ERICH6B: variants seen among roughly 807,000 people sequenced by gnomAD.
ERICH6B encodes the protein glutamate rich 6B.
A neutral mutation model predicts 80.0 loss-of-function variants in ERICH6B; 69 were observed. The observed-to-expected ratio is 0.86, with a 90% CI of 0.71 to 1.05. The LOEUF (loss-of-function observed/expected upper bound fraction) is 1.05. ERICH6B is among the 50% of genes least tolerant of loss of function. The pLI, the probability that ERICH6B is intolerant of heterozygous loss-of-function variation, is 0.00. For synonymous variants in ERICH6B, 283 were observed against 291.9 expected (o/e 0.97, Z 0.31); for missense variants, 754 against 796.1 (o/e 0.95, Z 0.64).
At chr13:45,554,222 A>T (rs567644612) in intron 11 of ERICH6B, among the ~76,000 whole-genome samples, 1 of 152,262 alleles carries the variant, frequency 6.6e-6, no homozygotes, top group African/African-American at 2.4e-5. Context: ...AAAGTATTTG[A>T]CTTTCTGTGC....
intron 11 of ERICH6B, among the ~76,000 whole-genome samples, chr13:45,559,691 A>G (rs1296829079): frequency 6.6e-6 from 1 of 151,942 alleles, no homozygotes; most frequent in Non-Finnish European, 1.5e-5. Flanking sequence ...ATTTCCATAT[A>G]TTTGCATGGT....
At chr13:45,544,481 C>T (rs1051865357) in intron 14 of ERICH6B, among the ~76,000 whole-genome samples, 1 of 152,208 alleles carries the variant, frequency 6.6e-6, no homozygotes, top group African/African-American at 2.4e-5. Flanking sequence ...CTTGGCCTCC[C>T]AAAGCCCTGG....
chr13:45,549,725 C>T (rs1266521158), intron 13 of ERICH6B, among the ~76,000 whole-genome samples, 168 bp downstream of exon 13: 2 of 152,194 alleles, frequency 1.3e-5, no homozygotes, highest in Admixed American at 6.5e-5. Context: ...CATCGTGCCT[C>T]CTCTGTGGTC....
intron 5 of ERICH6B, 96 bp downstream of exon 5, chr13:45,586,967 A>C: frequency 7.7e-7 from 1 of 1,292,694 alleles, no homozygotes; most frequent in Non-Finnish European, 1.1e-6. Flanking sequence ...ATGAAAGGCA[A>C]TACTCGAGCC....
intron 6 of ERICH6B, 77 bp from the exon 7 acceptor site, chr13:45,580,051 T>G: frequency 1.6e-6 from 2 of 1,216,246 alleles, no homozygotes; most frequent in Non-Finnish European, 2.4e-6. Context: ...CCTTATGGAA[T>G]CAATTTAAAA....
intron 4 of ERICH6B, among the ~76,000 whole-genome samples, chr13:45,589,667 C>T (rs1164350142): frequency 6.6e-6 from 1 of 152,238 alleles, no homozygotes; most frequent in Non-Finnish European, 1.5e-5. Flanking sequence ...GGCAGTCTGG[C>T]TCCAAAGCCC....
chr13:45,586,304 A>G (rs2985950), intron 5 of ERICH6B, among the ~76,000 whole-genome samples: 148,933 of 152,268 alleles, frequency 0.98, 72,838 homozygotes, highest in East Asian at 0.99. Context: ...GGGGCAGGGA[A>G]GGGAGGTGAC....
intron 2 of ERICH6B, among the ~76,000 whole-genome samples, chr13:45,599,463 T>C (rs778969521): frequency 6.6e-6 from 1 of 152,064 alleles, no homozygotes; most frequent in Non-Finnish European, 1.5e-5. Context: ...ACAAACAGAA[T>C]GAGAGCTCCC....
intron 1 of ERICH6B, among the ~76,000 whole-genome samples, chr13:45,609,380 C>T (rs1487918109): frequency 2.0e-5 from 3 of 152,188 alleles, no homozygotes; most frequent in Non-Finnish European, 4.4e-5. Flanking sequence ...CAACACCTGG[C>T]TCATTCTCAA....
chr13:45,572,927 G>C (rs1875235133), intron 8 of ERICH6B, among the ~76,000 whole-genome samples: 1 of 151,222 alleles, frequency 6.6e-6, no homozygotes, highest in Non-Finnish European at 1.5e-5. Context: ...CTATCAGATG[G>C]GCCAGAATTA....
At chr13:45,601,048 A>G (rs1949824016) in intron 2 of ERICH6B, among the ~76,000 whole-genome samples, 1 of 152,132 alleles carries the variant, frequency 6.6e-6, no homozygotes, top group Non-Finnish European at 1.5e-5. Context: ...AGGCTGGTTT[A>G]GCCTGAATCT....
chr13:45,562,451 G>A (rs1874724113), intron 10 of ERICH6B, among the ~76,000 whole-genome samples: 2 of 152,198 alleles, frequency 1.3e-5, no homozygotes, highest in South Asian at 4.1e-4. Context: ...AAACTGGTAA[G>A]GACAACTGAA....
At chr13:45,546,893 TC>T (rs1874014986) in intron 13 of ERICH6B, among the ~76,000 whole-genome samples, 1 of 152,186 alleles carries the variant, frequency 6.6e-6, no homozygotes, top group African/African-American at 2.4e-5. Context: ...TCCTCTTGCT[TC>T]CCACTTTCCA....
At chr13:45,587,810 C>T (rs528268734) in intron 4 of ERICH6B, among the ~76,000 whole-genome samples, 1 of 152,310 alleles carries the variant, frequency 6.6e-6, no homozygotes, top group East Asian at 1.9e-4. Flanking sequence ...TGTTCTTTCT[C>T]AGGAGTCTCT....
At chr13:45,554,380 G>C (rs1242011167) in intron 11 of ERICH6B, among the ~76,000 whole-genome samples, 3 of 152,074 alleles carry the variant, frequency 2.0e-5, no homozygotes, top group East Asian at 3.8e-4. Context: ...ATAGAGACTT[G>C]GTTTAAAAAG....
rs1949924284 is a variant in ERICH6B at position 45,615,689 on chromosome 13, GC to G, written c.-116del. 1 of 152,486 alleles carries G rather than the reference GC, an allele frequency of 6.6e-6. No individual in the cohort carries two copies. The highest frequency in any genetic ancestry group is 2.1e-4 in the South Asian group (1 of 4,826). The allele number at this position is 152,486 out of a possible 1,614,324, so 9.4% of individuals were successfully genotyped here. A position where few individuals can be genotyped will look rare whatever the true frequency, so the allele number is the denominator to read the frequency against. ...GCTAACGTGCGCAGCCCTTACCCAA[GC>G]CAGGCTCCCGCGCGTGCATCCACCG... On this transcript the variant is annotated 5_prime_UTR_variant, in exon 1 of 15. The change creates a premature stop within an existing upstream ORF in the 5' untranslated region. Transcript: ENST00000298738.
chr13:45,581,665 C>G (rs1875676147), intron 5 of ERICH6B, among the ~76,000 whole-genome samples: 1 of 152,222 alleles, frequency 6.6e-6, no homozygotes, highest in Non-Finnish European at 1.5e-5. Flanking sequence ...GCATGAGCCA[C>G]TGCGCCTGGC....
intron 13 of ERICH6B, among the ~76,000 whole-genome samples, chr13:45,549,043 G>A (rs1017021007): frequency 6.6e-6 from 1 of 152,114 alleles, no homozygotes; most frequent in Non-Finnish European, 1.5e-5. Context: ...CAGCACTTTG[G>A]GTGGCTGAGG....
At chr13:45,558,015 G>C (rs1300276434) in intron 11 of ERICH6B, among the ~76,000 whole-genome samples, 1 of 151,486 alleles carries the variant, frequency 6.6e-6, no homozygotes, top group Non-Finnish European at 1.5e-5. Context: ...TTTCTAGATT[G>C]CTTTTGGCAC....
Sources: allele counts gnomAD v4.1 joint callset (sites outside exome capture counted in the v4.1 genomes callset), GRCh38; gene constraint gnomAD v4.1.1; transcripts MANE v1.5; gene names NCBI Gene and HGNC (gene_info 2026-07-23, HGNC 2026-07-21).